The following PAQR3 variants were observed in gnomAD, a reference collection of about 807,000 sequenced individuals.
PAQR3 encodes the protein progestin and adipoQ receptor family member 3.
PAQR3 carries 39 observed loss-of-function variants against 41.7 expected under a neutral mutation model. The ratio of observed to expected loss-of-function variants is 0.93; its 90% CI spans 0.72 to 1.22. The LOEUF (loss-of-function observed/expected upper bound fraction) is 1.22, where lower values mean the gene tolerates loss of function less well. Among genes scored for constraint, PAQR3 ranks in the 50% most tolerant of loss-of-function variants. The pLI is 0.00. For missense variants in PAQR3, 366 were observed against 385.6 expected (o/e 0.95, Z 0.42); for synonymous variants, 140 against 140.6 (o/e 1.00, Z 0.03).
intron 5 of PAQR3, chr4:78,921,638 G>A (rs1008257192): frequency 1.0e-6 from 1 of 965,802 alleles, no homozygotes; most frequent in South Asian, 4.8e-5. Context: ...GGACACCTTG[G>A]GGACCCTTGG....
chr4:78,923,718 G>C (rs1578014295), intron 5 of PAQR3, 139 bp downstream of exon 5: 1 of 691,604 alleles, frequency 1.4e-6, no homozygotes, highest in Non-Finnish European at 2.5e-6. Flanking sequence ...GAAAGTTTTA[G>C]GTAACATTTG....
At chr4:78,924,259 CAA>C (rs967369356) in intron 4 of PAQR3, among the ~76,000 whole-genome samples, 4 of 152,060 alleles carry the variant, frequency 2.6e-5, no homozygotes, top group African/African-American at 9.7e-5. Context: ...GGTAAATAAG[CAA>C]AGACACTGAA....
At chr4:78,928,661 C>T (rs760823462) in intron 3 of PAQR3, among the ~76,000 whole-genome samples, 3 of 152,308 alleles carry the variant, frequency 2.0e-5, no homozygotes, top group Non-Finnish European at 4.4e-5. Flanking sequence ...TGGTCTCCAG[C>T]GTTTCTGGCA....
In PAQR3 at chr4:78,920,595, A is replaced by G. The variant is rs1735562027; in HGVS notation, c.880T>C (p.Tyr294His). ...MLYWWHQSTV[Y>H]VMQYRHSKPC... The stretch of plus-strand genomic sequence containing the variant: ...TTGCTATGTCTGTACTGCATGACAT[A>G]CACTGTTGACTGATGCCACCAATAT... The change falls in exon 6 of 6, where the codon TAT becomes CAT. Residue 294 changes from tyrosine to histidine, a missense_variant. By Grantham distance (83) the Tyr-to-His change is moderately conservative. Coordinates refer to ENST00000512733, the MANE Select transcript of PAQR3 (RefSeq NM_001040202.2). 1 of 1,612,030 alleles carries G rather than the reference A, an allele frequency of 6.2e-7. No individual in the cohort carries two copies. Among genetic ancestry groups the G allele is most frequent in the Non-Finnish European group, 8.5e-7 (1 of 1,178,646 alleles).
chr4:78,920,179 A>G lies in PAQR3; in HGVS notation c.*360T>C, dbSNP rs1735509613. ...CAATTAACTGAAAATAATTAAGCAC[A>G]TAAGATGACTCCATTTTCTAATGGA... On this transcript the variant is annotated 3_prime_UTR_variant, in exon 6 of 6. Transcript: ENST00000512733. 1 of 997,854 alleles carries G rather than the reference A, an allele frequency of 1.0e-6. No homozygotes were observed. Among genetic ancestry groups the G allele is most frequent in the South Asian group, 4.6e-5 (1 of 21,588 alleles). 61.8% of individuals were successfully genotyped at this position (997,854 alleles called of 1,614,324 possible).
chr4:78,920,542 CA>C lies in PAQR3; in HGVS notation c.932del (p.Leu311CysfsTer9), dbSNP rs1735553617. On this transcript the variant is annotated frameshift_variant, in exon 6 of 6. Coordinates refer to ENST00000512733, the MANE Select transcript of PAQR3 (RefSeq NM_001040202.2). LOFTEE classifies it high-confidence loss of function. ...SKPCPDYVSH[L>X] ...TCACCAGGTGGCCATACCTAATTCA[CA>C]AATGTGAAACATAGTCAGGACAAGG... The C allele has an allele frequency of 2.5e-6, 4 of 1,606,180 alleles. No homozygotes were observed. The East Asian group carries it at 9.0e-5, about 36-fold the overall frequency.
At chr4:78,902,186 G>A (rs1319811740) in intron 11 of PAQR3, among the ~76,000 whole-genome samples, 1 of 152,118 alleles carries the variant, frequency 6.6e-6, no homozygotes, top group Non-Finnish European at 1.5e-5. Context: ...GCTCAGAAAG[G>A]TTCACTGACT....
chr4:78,901,407 C>G (rs1337744097), intron 11 of PAQR3, among the ~76,000 whole-genome samples: 1 of 152,014 alleles, frequency 6.6e-6, no homozygotes, highest in Non-Finnish European at 1.5e-5. Flanking sequence ...ATACTGGCTA[C>G]TTGATAAGAA....
At chr4:78,930,376 C>T in intron 2 of PAQR3, 51 bp from the exon 3 acceptor site, 3 of 1,541,130 alleles carry the variant, frequency 1.9e-6, no homozygotes, top group Non-Finnish European at 2.6e-6. Flanking sequence ...ACTAAAGCAA[C>T]TTATGCATGA....
chr4:78,931,415 T>C (rs968937493), intron 2 of PAQR3, among the ~76,000 whole-genome samples: 7 of 151,906 alleles, frequency 4.6e-5, no homozygotes, highest in Non-Finnish European at 1.0e-4. Flanking sequence ...ATAATAATAA[T>C]TTAAAAAACA....
At chr4:78,898,636 C>T (rs1239842530) in intron 11 of PAQR3, among the ~76,000 whole-genome samples, 28 of 148,208 alleles carry the variant, frequency 1.9e-4, no homozygotes, top group Admixed American at 1.8e-3. Flanking sequence ...TTCCATTGGG[C>T]GACAGAGCGA....
chr4:78,926,618 A>C lies in PAQR3; in HGVS notation c.605T>G (p.Leu202Arg). The C allele has an allele frequency of 6.2e-7, 1 of 1,613,930 alleles. No homozygotes were observed. The highest frequency in any genetic ancestry group is 8.5e-7 in the Non-Finnish European group (1 of 1,179,822). ...AACAGAACAAAAGATGATAGAACGG[A>C]GCCTTTGCCATTGCTGCGTGAGGTA... ...PNYLTQQWQR[L>R]RSIIFCSVSG... is the part of the protein sequence containing the mutation. Residue 202 changes from leucine to arginine, a missense_variant, in exon 4 of 6, where the codon CTC (leucine) becomes CGC (arginine). By Grantham distance (102) the Leu-to-Arg change is moderately radical. Coordinates refer to ENST00000512733, the MANE Select transcript of PAQR3 (RefSeq NM_001040202.2).
At chr4:78,896,646 A>G (rs1733718588) in intron 11 of PAQR3, among the ~76,000 whole-genome samples, 1 of 152,214 alleles carries the variant, frequency 6.6e-6, no homozygotes, top group African/African-American at 2.4e-5. Context: ...TATGAGACTA[A>G]TATGTCTACT....
chr4:78,927,156 T>C (rs58724040), intron 3 of PAQR3, among the ~76,000 whole-genome samples: 2,477 of 152,246 alleles, frequency 0.016, 84 homozygotes, highest in African/African-American at 0.057. Context: ...TTAACTTTAC[T>C]TGGGGTAGCT....
At chr4:78,904,718 G>A (rs187694879) in intron 11 of PAQR3, among the ~76,000 whole-genome samples, 12 of 152,014 alleles carry the variant, frequency 7.9e-5, no homozygotes, top group African/African-American at 2.6e-4. Context: ...TGCATTTGAT[G>A]TTGAGACTTG....
intron 11 of PAQR3, among the ~76,000 whole-genome samples, chr4:78,899,511 A>G (rs1278730340): frequency 6.6e-6 from 1 of 152,194 alleles, no homozygotes; most frequent in Non-Finnish European, 1.5e-5. Flanking sequence ...AGTTCATGCC[A>G]GTTAGAAGAG....
intron 3 of PAQR3, among the ~76,000 whole-genome samples, chr4:78,929,047 G>C (rs1736546912): frequency 6.6e-6 from 1 of 152,212 alleles, no homozygotes; most frequent in Non-Finnish European, 1.5e-5. Context: ...GAGCCATGGG[G>C]AGTGGCTGTA....
chr4:78,931,253 G>A (rs1025719954), intron 2 of PAQR3, among the ~76,000 whole-genome samples: 2 of 151,572 alleles, frequency 1.3e-5, no homozygotes, highest in East Asian at 3.9e-4. Context: ...AGCTACTTGG[G>A]AGGCTAAGGC....
intron 2 of PAQR3, among the ~76,000 whole-genome samples, chr4:78,930,990 T>C (rs894823091): frequency 3.3e-5 from 5 of 151,844 alleles, no homozygotes; most frequent in Non-Finnish European, 5.9e-5. Context: ...TGTTCATGTC[T>C]GTATGAGATT....
Sources: gnomAD v4.1 joint callset for allele counts (sites outside exome capture counted in the v4.1 genomes callset) on GRCh38, gnomAD v4.1.1 for gene constraint, MANE v1.5 for transcripts, NCBI Gene and HGNC (gene_info 2026-07-23, HGNC 2026-07-21) for gene names.